RNGTT: variants seen among roughly 807,000 people sequenced by gnomAD.
RNGTT encodes RNA guanylyltransferase and 5'-phosphatase.
RNGTT carries 33 observed loss-of-function variants against 79.3 expected under a neutral mutation model. That is an observed-to-expected ratio of 0.42 (90% CI 0.32 to 0.56). The LOEUF is 0.56. Among genes scored for constraint, RNGTT ranks in the 20% least tolerant of loss-of-function variants. RNGTT has a pLI of 0.17. For synonymous variants in RNGTT, 222 were observed against 235.9 expected, an observed-to-expected ratio of 0.94 and a Z score of 0.54; for missense variants, 497 against 739.1, an observed-to-expected ratio of 0.67 and a Z score of 3.80.
chr6:88,875,399 T>C (rs1454145590), intron 8 of RNGTT, among the ~76,000 whole-genome samples: 1 of 152,102 alleles, frequency 6.6e-6, no homozygotes, highest in Non-Finnish European at 1.5e-5. Flanking sequence ...TTTAATTTCT[T>C]TTTAATGTTT....
At chr6:88,759,117 C>T (rs1778120579) in intron 13 of RNGTT, among the ~76,000 whole-genome samples, 1 of 152,118 alleles carries the variant, frequency 6.6e-6, no homozygotes, top group Admixed American at 6.5e-5. Context: ...CATTTATTAC[C>T]AGTATGGCAG....
At chr6:88,709,393 A>G (rs1776248077) in intron 13 of RNGTT, among the ~76,000 whole-genome samples, 1 of 152,176 alleles carries the variant, frequency 6.6e-6, no homozygotes, top group Non-Finnish European at 1.5e-5. Flanking sequence ...GAGAGAATAT[A>G]AAGAAGGAAA....
chr6:88,881,347 C>G (rs888882920), intron 8 of RNGTT, among the ~76,000 whole-genome samples: 23 of 152,070 alleles, frequency 1.5e-4, no homozygotes, highest in African/African-American at 5.6e-4. Context: ...ACACCTTCAC[C>G]AATATTATGG....
intron 13 of RNGTT, among the ~76,000 whole-genome samples, chr6:88,709,774 A>C (rs1427504214): frequency 1.3e-5 from 2 of 152,240 alleles, no homozygotes; most frequent in Non-Finnish European, 2.9e-5. Context: ...AGTGCTCAAC[A>C]GCTACACATC....
chr6:88,720,088 A>G (rs972539834), intron 13 of RNGTT, among the ~76,000 whole-genome samples: 1 of 152,150 alleles, frequency 6.6e-6, no homozygotes, highest in Non-Finnish European at 1.5e-5. Context: ...TTTCCATTGC[A>G]TTGGTTATAG....
Position 88,946,735 on chromosome 6 carries a change from G to C in RNGTT, c.65-5555C>G, listed in dbSNP as rs1051914894. On this transcript the variant is annotated intron_variant, in intron 1 of 15. Coordinates refer to ENST00000369485, the MANE Select transcript of RNGTT (RefSeq NM_003800.5). ...AGCTGGACTGTACTGCTGCCATCTC[G>C]GCTCACTGCAACCTCCCTGCCTGAT... Among the ~76,000 whole-genome samples the C allele has an allele frequency of 6.7e-5, 10 of 149,864 alleles. No individual in the cohort carries two copies. The East Asian group carries it at 1.8e-3, about 27-fold the overall frequency.
chr6:88,907,919 A>C (rs1783709019), intron 4 of RNGTT, among the ~76,000 whole-genome samples: 1 of 151,788 alleles, frequency 6.6e-6, no homozygotes, highest in Non-Finnish European at 1.5e-5. Context: ...TTCTATGGTA[A>C]AGACAGGGTC....
At chr6:88,855,480 T>C (rs543210486) in intron 8 of RNGTT, among the ~76,000 whole-genome samples, 2 of 150,534 alleles carry the variant, frequency 1.3e-5, no homozygotes, top group South Asian at 4.2e-4. Context: ...TCTTTGCTGT[T>C]TCCAAAATAA....
At chr6:88,664,465 T>C (rs1242082531) in intron 14 of RNGTT, among the ~76,000 whole-genome samples, 1 of 152,162 alleles carries the variant, frequency 6.6e-6, no homozygotes, top group Non-Finnish European at 1.5e-5. Flanking sequence ...AACCAAGTGT[T>C]TGTAAATACA....
chr6:88,913,174 C>T (rs1402467245), intron 4 of RNGTT, among the ~76,000 whole-genome samples: 1 of 145,232 alleles, frequency 6.9e-6, no homozygotes, highest in East Asian at 2.0e-4. Context: ...CACTGCACTC[C>T]AGCCTGGCCA....
At chr6:88,705,836 C>T (rs1776112668) in intron 13 of RNGTT, among the ~76,000 whole-genome samples, 1 of 152,058 alleles carries the variant, frequency 6.6e-6, no homozygotes, top group Non-Finnish European at 1.5e-5. Context: ...TTATGGAACT[C>T]AAAAACTCAG....
At chr6:88,934,797 A>C (rs1006850024) in intron 2 of RNGTT, among the ~76,000 whole-genome samples, 1 of 151,948 alleles carries the variant, frequency 6.6e-6, no homozygotes, top group African/African-American at 2.4e-5. Context: ...TGTGCCACCA[A>C]GAAATAAGGT....
At chr6:88,790,646 A>G (rs542525875) in intron 12 of RNGTT, among the ~76,000 whole-genome samples, 1 of 152,330 alleles carries the variant, frequency 6.6e-6, no homozygotes, top group East Asian at 1.9e-4. Flanking sequence ...AAAAATTTAT[A>G]CACATTTTGA....
chr6:88,643,176 A>T (rs1159042414), intron 14 of RNGTT, among the ~76,000 whole-genome samples: 3 of 152,162 alleles, frequency 2.0e-5, no homozygotes, highest in Non-Finnish European at 4.4e-5. Context: ...CATCTAATAT[A>T]AACCCTAATT....
At chr6:88,838,418 T>C (rs1288443022) in intron 11 of RNGTT, among the ~76,000 whole-genome samples, 1 of 152,068 alleles carries the variant, frequency 6.6e-6, no homozygotes, top group Non-Finnish European at 1.5e-5. Context: ...GACTGTAAGA[T>C]AAAACATCAA....
chr6:88,651,912 G>A (rs1005563669), intron 14 of RNGTT, among the ~76,000 whole-genome samples: 7 of 152,024 alleles, frequency 4.6e-5, no homozygotes, highest in African/African-American at 1.4e-4. Flanking sequence ...GCACATAGGC[G>A]GTGGATAGAT....
intron 11 of RNGTT, among the ~76,000 whole-genome samples, chr6:88,819,897 T>C (rs1047524928): frequency 1.3e-5 from 2 of 152,078 alleles, no homozygotes; most frequent in Non-Finnish European, 2.9e-5. Context: ...TATTTCACCT[T>C]TCAAAAATTA....
chr6:88,642,467 G>A (rs965837496), intron 14 of RNGTT, among the ~76,000 whole-genome samples: 1 of 152,166 alleles, frequency 6.6e-6, no homozygotes, highest in Non-Finnish European at 1.5e-5. Flanking sequence ...GATGATGTTG[G>A]ATAACTGAAG....
At chr6:88,613,865 T>C (rs142242482) in intron 15 of RNGTT, among the ~76,000 whole-genome samples, 3 of 152,390 alleles carry the variant, frequency 2.0e-5, no homozygotes, top group African/African-American at 2.4e-5. Flanking sequence ...TTGTTCTCCA[T>C]TGTTTATAAA....
Sources: allele counts gnomAD v4.1 joint callset (sites outside exome capture counted in the v4.1 genomes callset), GRCh38; gene constraint gnomAD v4.1.1; transcripts MANE v1.5; gene names NCBI Gene and HGNC (gene_info 2026-07-23, HGNC 2026-07-21).